Variants in KIAA2012 observed in about 807,000 individuals in gnomAD.
KIAA2012 encodes the protein uncharacterized protein KIAA2012.
KIAA2012 carries 125 observed loss-of-function variants against 150.6 expected under a neutral mutation model. That is an observed-to-expected ratio of 0.83 (90% confidence interval 0.72 to 0.96). The LOEUF (loss-of-function observed/expected upper bound fraction) is 0.96. KIAA2012 is among the 40% of genes least tolerant of loss of function. The pLI, the probability that KIAA2012 is intolerant of heterozygous loss-of-function variation, is 0.00. For missense variants in KIAA2012, 1,219 were observed against 1,354.9 expected (o/e 0.90, Z 1.57); for synonymous variants, 462 against 504.7 (o/e 0.92, Z 1.13).
chr2:202,075,485 G>T (rs1689306324), intron 2 of KIAA2012, among the ~76,000 whole-genome samples: 1 of 152,148 alleles, frequency 6.6e-6, no homozygotes, highest in Admixed American at 6.5e-5. Context: ...ACAGATTCAG[G>T]CCAGCAGACG....
chr2:202,133,130 AT>A lies in KIAA2012; in HGVS notation c.1832-5290del, dbSNP rs60064904. The stretch of plus-strand genomic sequence containing the variant: ...AAAAAATATATATATATATATATAT[AT>A]TTTTTTTTTTTCTGGAGAATGGAGA... On this transcript the variant is annotated intron_variant, in intron 12 of 23. Transcript: ENST00000498697. 7.8e-4 allele frequency among the ~76,000 whole-genome samples: 53 copies of A among 67,788 alleles called. 1 individual carries two copies. Among genetic ancestry groups the A allele is most frequent in the African/African-American group, 1.5e-3 (25 of 17,210 alleles). 44.5% of individuals were successfully genotyped at this position (67,788 alleles called of 152,430 possible). A position where few individuals can be genotyped will look rare whatever the true frequency, so the allele number is the denominator to read the frequency against.
chr2:202,096,525 T>C (rs1358180466), intron 4 of KIAA2012, among the ~76,000 whole-genome samples: 1 of 152,092 alleles, frequency 6.6e-6, no homozygotes, highest in Non-Finnish European at 1.5e-5. Context: ...CTGTGGGCAA[T>C]TGACTCTTGG....
chr2:202,174,321 C>G (rs1691951892), intron 15 of KIAA2012, among the ~76,000 whole-genome samples: 1 of 152,070 alleles, frequency 6.6e-6, no homozygotes, highest in African/African-American at 2.4e-5. Context: ...ATCAGTGATT[C>G]TATTCAACAT....
chr2:202,124,556 GAC>G (rs1417965322), intron 11 of KIAA2012, among the ~76,000 whole-genome samples: 17 of 152,144 alleles, frequency 1.1e-4, no homozygotes, highest in African/African-American at 4.1e-4. Flanking sequence ...CACACACTGA[GAC>G]ACAGCTGCTG....
intron 15 of KIAA2012, among the ~76,000 whole-genome samples, chr2:202,170,600 G>T (rs1691866697): frequency 1.3e-5 from 2 of 152,244 alleles, no homozygotes; most frequent in Non-Finnish European, 2.9e-5. Context: ...AAACAGATAT[G>T]TGTGCAGACA....
intron 16 of KIAA2012, among the ~76,000 whole-genome samples, chr2:202,185,437 C>A (rs1041761728): frequency 3.3e-5 from 5 of 152,140 alleles, no homozygotes; most frequent in Non-Finnish European, 5.9e-5. Context: ...AACCTGCTGT[C>A]ACCTGCCCAG....
At chr2:202,173,942 G>C (rs1422718969) in intron 15 of KIAA2012, among the ~76,000 whole-genome samples, 4 of 152,124 alleles carry the variant, frequency 2.6e-5, no homozygotes, top group Non-Finnish European at 5.9e-5. Context: ...TTGAATACTT[G>C]AATGGTAGAA....
At position 202,181,559 on chromosome 2, in the gene KIAA2012, G is replaced by A. The variant is rs144252777; in HGVS notation, c.2120-3194G>A. ...ATCATGCCACTGCACTCCACCCTGA[G>A]CAACAGAGCGAGACCCTGTCTCTAA... On this transcript the variant is annotated intron_variant, in intron 15 of 23. Coordinates refer to ENST00000498697, the MANE Select transcript of KIAA2012 (RefSeq NM_001277372.4). Among the ~76,000 whole-genome samples the A allele has an allele frequency of 8.2e-4, 125 of 151,832 alleles. 1 individual carries two copies. Among genetic ancestry groups the A allele is most frequent in the African/African-American group, 2.7e-3 (112 of 41,386 alleles).
chr2:202,164,455 T>A (rs1020572825), intron 14 of KIAA2012, among the ~76,000 whole-genome samples: 2 of 152,184 alleles, frequency 1.3e-5, no homozygotes, highest in Admixed American at 6.5e-5. Context: ...ACCATAGTTA[T>A]GGAGATTTCT....
At chr2:202,096,007 CT>C (rs1369795641) in intron 4 of KIAA2012, among the ~76,000 whole-genome samples, 2 of 152,108 alleles carry the variant, frequency 1.3e-5, no homozygotes, top group Non-Finnish European at 2.9e-5. Flanking sequence ...TCGCTTGAAC[CT>C]GGGAGGTGGA....
At chr2:202,114,124 A>G (rs1220279266) in intron 11 of KIAA2012, 1 of 152,214 alleles carries the variant, frequency 6.6e-6, no homozygotes, top group Non-Finnish European at 1.5e-5. Flanking sequence ...CAATAAAAAG[A>G]ACATGGATTC....
At position 202,109,665 on chromosome 2, in the gene KIAA2012, G is replaced by C; in HGVS notation, c.1527G>C (p.Pro509=). The change falls in exon 10 of 24, where the codon CCG becomes CCC. Residue 509 remains proline, a synonymous_variant. Transcript: ENST00000498697. ...DVAPPLDLLP[P]IKGKKSPESQ... is the part of the protein sequence containing the mutation. Reference sequence around the variant, plus strand: ...CCCCACCATTGGATCTTCTACCCCCGATTAAAGGAAAAAAAAGTCCTGAGA... The same window carrying C: ...CCCCACCATTGGATCTTCTACCCCCCATTAAAGGAAAAAAAAGTCCTGAGA... 1 of 1,550,018 alleles carries C rather than the reference G, an allele frequency of 6.5e-7. No homozygotes were observed. Among genetic ancestry groups the C allele is most frequent in the Non-Finnish European group, 8.7e-7 (1 of 1,146,704 alleles).
chr2:202,091,193 C>CAG (rs1308456579), intron 3 of KIAA2012, among the ~76,000 whole-genome samples: 2 of 152,230 alleles, frequency 1.3e-5, no homozygotes, highest in Non-Finnish European at 2.9e-5. Context: ...ATGCCACATC[C>CAG]AGGCCAGAAC....
At chr2:202,201,874 C>T in intron 22 of KIAA2012, 5 of 1,192,518 alleles carry the variant, frequency 4.2e-6, no homozygotes, top group Non-Finnish European at 6.3e-6. Flanking sequence ...GGATATTGAC[C>T]TTTGCTGTTC....
At chr2:202,183,801 GT>G (rs2105741038) in intron 15 of KIAA2012, among the ~76,000 whole-genome samples, 2 of 152,166 alleles carry the variant, frequency 1.3e-5, no homozygotes, top group South Asian at 4.1e-4. Flanking sequence ...CCTAACATTT[GT>G]TTTTTAAAAT....
At chr2:202,164,825 C>A (rs924172587) in intron 14 of KIAA2012, among the ~76,000 whole-genome samples, 4 of 152,306 alleles carry the variant, frequency 2.6e-5, no homozygotes, top group Admixed American at 2.6e-4. Context: ...TCCTACATGC[C>A]TTAGGCATTC....
intron 21 of KIAA2012, 96 bp from the exon 22 acceptor site, chr2:202,196,704 G>A: frequency 6.8e-7 from 1 of 1,466,678 alleles, no homozygotes; most frequent in Non-Finnish European, 9.1e-7. Flanking sequence ...TTTCTCACGG[G>A]GAGTCCTTCA....
At chr2:202,174,074 T>C (rs1184526062) in intron 15 of KIAA2012, among the ~76,000 whole-genome samples, 1 of 152,168 alleles carries the variant, frequency 6.6e-6, no homozygotes, top group Non-Finnish European at 1.5e-5. Context: ...CAAGCAATTC[T>C]TCTGCCTCAG....
chr2:202,163,649 A>G (rs1213087525), intron 14 of KIAA2012, among the ~76,000 whole-genome samples: 1 of 152,200 alleles, frequency 6.6e-6, no homozygotes, highest in African/African-American at 2.4e-5. Context: ...CCTTCTTGGC[A>G]TTAAAATTCT....
Sources: allele counts gnomAD v4.1 joint callset (sites outside exome capture counted in the v4.1 genomes callset), GRCh38; gene constraint gnomAD v4.1.1; transcripts MANE v1.5; gene names NCBI Gene and HGNC (gene_info 2026-07-23, HGNC 2026-07-21).